Variants in CNTNAP2 observed in about 807,000 individuals in gnomAD.
CNTNAP2 encodes the protein contactin associated protein 2.
CNTNAP2 carries 98 observed loss-of-function variants against 155.2 expected under a neutral mutation model. The ratio of observed to expected loss-of-function variants is 0.63; its 90% CI spans 0.54 to 0.75. CNTNAP2 has a LOEUF of 0.75. CNTNAP2 is among the 30% of genes least tolerant of loss of function. The pLI, the probability that CNTNAP2 is intolerant of heterozygous loss-of-function variation, is 0.00. For synonymous variants in CNTNAP2, 651 were observed against 631.2 expected, an observed-to-expected ratio of 1.03 and a Z score of -0.47; for missense variants, 1,727 against 1,688.1, an observed-to-expected ratio of 1.02 and a Z score of -0.40.
At chr7:147,025,960 A>C (rs558186889) in intron 3 of CNTNAP2, among the ~76,000 whole-genome samples, 30 of 152,110 alleles carry the variant, frequency 2.0e-4, no homozygotes, top group Non-Finnish European at 3.8e-4. Context: ...CCTGGGCTCA[A>C]GCAATTCTCA....
chr7:146,656,957 T>G (rs1249386148), intron 1 of CNTNAP2, among the ~76,000 whole-genome samples: 2 of 152,202 alleles, frequency 1.3e-5, no homozygotes, highest in Admixed American at 1.3e-4. Context: ...CCCAATTCAA[T>G]GCCTCTTTTT....
intron 1 of CNTNAP2, among the ~76,000 whole-genome samples, chr7:146,523,907 T>C (rs1797650945): frequency 1.3e-5 from 2 of 152,162 alleles, no homozygotes; most frequent in African/African-American, 4.8e-5. Context: ...TGTTTTCTTT[T>C]TCTATTACAT....
chr7:147,287,063 G>T (rs952251426), intron 8 of CNTNAP2, among the ~76,000 whole-genome samples: 1 of 152,138 alleles, frequency 6.6e-6, no homozygotes, highest in African/African-American at 2.4e-5. Context: ...CCATCTCAAT[G>T]GGTATGGGGA....
intron 10 of CNTNAP2, among the ~76,000 whole-genome samples, chr7:147,464,047 A>G (rs1798070078): frequency 6.6e-6 from 1 of 151,636 alleles, no homozygotes; most frequent in African/African-American, 2.4e-5. Context: ...TAAAGACAAT[A>G]CATATGTGTG....
At chr7:147,672,944 A>G (rs1419594121) in intron 13 of CNTNAP2, 1 of 152,170 alleles carries the variant, frequency 6.6e-6, no homozygotes. Flanking sequence ...AATCAAAAGT[A>G]TTTCATTTCA....
chr7:148,043,793 C>T (rs1802719637), intron 15 of CNTNAP2, among the ~76,000 whole-genome samples: 2 of 152,160 alleles, frequency 1.3e-5, no homozygotes, highest in Non-Finnish European at 1.5e-5. Context: ...CTTGAAGTAT[C>T]TTATACAACC....
intron 8 of CNTNAP2, among the ~76,000 whole-genome samples, chr7:147,176,115 C>G (rs1009242033): frequency 6.6e-6 from 1 of 152,112 alleles, no homozygotes; most frequent in Non-Finnish European, 1.5e-5. Context: ...CTGAAAGGAG[C>G]CTCTCACCTG....
chr7:146,744,660 T>C (rs1801779609), intron 1 of CNTNAP2, among the ~76,000 whole-genome samples: 1 of 152,196 alleles, frequency 6.6e-6, no homozygotes, highest in Non-Finnish European at 1.5e-5. Context: ...AGACCTCCAA[T>C]GTTGGAACTA....
intron 10 of CNTNAP2, among the ~76,000 whole-genome samples, chr7:147,417,043 T>G (rs1185949800): frequency 6.6e-6 from 1 of 150,606 alleles, no homozygotes; most frequent in Admixed American, 6.6e-5. Context: ...GAGCCGAGAT[T>G]GCGCCACTGC....
intron 1 of CNTNAP2, among the ~76,000 whole-genome samples, chr7:146,439,043 A>G (rs950345630): frequency 1.3e-4 from 20 of 151,246 alleles, no homozygotes; most frequent in Non-Finnish European, 5.9e-5. Flanking sequence ...GTAGGATTTC[A>G]TTATATCACT....
intron 10 of CNTNAP2, among the ~76,000 whole-genome samples, chr7:147,468,743 C>G (rs1289603787): frequency 6.6e-6 from 1 of 152,134 alleles, no homozygotes; most frequent in Non-Finnish European, 1.5e-5. Context: ...AAAAATGGTT[C>G]TGAAACACTT....
At chr7:147,871,069 G>A (rs937434464) in intron 13 of CNTNAP2, among the ~76,000 whole-genome samples, 5 of 152,148 alleles carry the variant, frequency 3.3e-5, no homozygotes, top group African/African-American at 1.2e-4. Context: ...CATGAACTCA[G>A]ACCAACCATC....
At chr7:147,545,606 C>T (rs1799715312) in intron 11 of CNTNAP2, among the ~76,000 whole-genome samples, 1 of 152,186 alleles carries the variant, frequency 6.6e-6, no homozygotes, top group African/African-American at 2.4e-5. Context: ...AGTCAAATGA[C>T]AGCTTGCCTG....
At chr7:147,986,132 G>A (rs544721866) in intron 15 of CNTNAP2, among the ~76,000 whole-genome samples, 2 of 152,236 alleles carry the variant, frequency 1.3e-5, no homozygotes, top group South Asian at 4.1e-4. Flanking sequence ...CCAGAAAAGA[G>A]AGGTTGCCTC....
At chr7:147,917,952 T>C (rs1800189288) in intron 14 of CNTNAP2, among the ~76,000 whole-genome samples, 1 of 152,164 alleles carries the variant, frequency 6.6e-6, no homozygotes. Context: ...CTAAAATAAC[T>C]CTTCACATAT....
chr7:148,005,271 A>G (rs767075553), intron 15 of CNTNAP2, among the ~76,000 whole-genome samples: 15 of 152,090 alleles, frequency 9.9e-5, no homozygotes, highest in Non-Finnish European at 1.8e-4. Context: ...GCCCCTTTTT[A>G]TAAGGGCATT....
intron 1 of CNTNAP2, among the ~76,000 whole-genome samples, chr7:146,427,952 G>T (rs528926306): frequency 1.3e-5 from 2 of 152,154 alleles, no homozygotes; most frequent in Admixed American, 1.3e-4. Context: ...TCCATATGTT[G>T]TCATCATTCA....
chr7:147,588,713 G>T (rs114943834), intron 12 of CNTNAP2, among the ~76,000 whole-genome samples: 2 of 152,152 alleles, frequency 1.3e-5, no homozygotes, highest in Non-Finnish European at 2.9e-5. Flanking sequence ...CAAAAGAGAG[G>T]CATCTAAGCC....
chr7:146,163,719 T>C (rs1798268444), intron 1 of CNTNAP2, among the ~76,000 whole-genome samples: 1 of 149,922 alleles, frequency 6.7e-6, no homozygotes, highest in East Asian at 2.0e-4. Flanking sequence ...CTGCACTCCA[T>C]ACTGGGTAAA....
Sources: gnomAD v4.1 joint callset for allele counts (sites outside exome capture counted in the v4.1 genomes callset) on GRCh38, gnomAD v4.1.1 for gene constraint, MANE v1.5 for transcripts, NCBI Gene and HGNC (gene_info 2026-07-23, HGNC 2026-07-21) for gene names.